The following CNTNAP2 variants were observed in gnomAD, a reference collection of about 807,000 sequenced individuals.
CNTNAP2 encodes the protein contactin associated protein 2.
CNTNAP2 carries 98 observed loss-of-function variants against 155.2 expected under a neutral mutation model. The ratio of observed to expected loss-of-function variants is 0.63; its 90% CI spans 0.54 to 0.75. The LOEUF (loss-of-function observed/expected upper bound fraction) is 0.75. Among genes scored for constraint, CNTNAP2 ranks in the 30% least tolerant of loss-of-function variants. The pLI is 0.00. For synonymous variants in CNTNAP2, 651 were observed against 631.2 expected, an observed-to-expected ratio of 1.03 and a Z score of -0.47; for missense variants, 1,727 against 1,688.1, an observed-to-expected ratio of 1.02 and a Z score of -0.40.
At chr7:146,229,119 G>A (rs895226273) in intron 1 of CNTNAP2, among the ~76,000 whole-genome samples, 4 of 152,072 alleles carry the variant, frequency 2.6e-5, no homozygotes, top group Non-Finnish European at 4.4e-5. Flanking sequence ...AAAAAGAGTA[G>A]CAAATTGGAA....
chr7:148,355,857 C>T (rs1409176935), intron 21 of CNTNAP2, among the ~76,000 whole-genome samples: 1 of 152,222 alleles, frequency 6.6e-6, no homozygotes, highest in East Asian at 1.9e-4. Flanking sequence ...TTATTCCCAT[C>T]ATCAGTCAAC....
chr7:147,627,570 TA>T (rs1251730538), intron 12 of CNTNAP2, among the ~76,000 whole-genome samples: 6 of 151,200 alleles, frequency 4.0e-5, no homozygotes, highest in African/African-American at 1.5e-4. Context: ...TGGGCACCTG[TA>T]ATCCCAGGTA....
rs77384509 is a variant in CNTNAP2 at position 148,324,540 on chromosome 7, G to A, written c.3475+57414G>A. ...AGGTCGGGCGCAGCGGCTCATGCCT[G>A]TAATCTCAACACTTTAGGAGGCCAA... On this transcript the variant is annotated intron_variant, in intron 21 of 23. Coordinates refer to ENST00000361727, the MANE Select transcript of CNTNAP2 (RefSeq NM_014141.6). Among the ~76,000 whole-genome samples the A allele has an allele frequency of 2.0e-5, 3 of 152,278 alleles. No homozygotes were observed. The East Asian group carries it at 5.8e-4, about 29-fold the overall frequency.
At chr7:147,472,204 C>CTTTTTTTTTTTTTTTTTTT (rs542047274) in intron 10 of CNTNAP2, among the ~76,000 whole-genome samples, 10 of 81,068 alleles carry the variant, frequency 1.2e-4, no homozygotes, top group African/African-American at 4.6e-4. Flanking sequence ...TCTTTTTTTC[C>CTTTTTTTTTTTTTTTTTTT]TTTTTTTTTT....
intron 1 of CNTNAP2, among the ~76,000 whole-genome samples, chr7:146,117,695 T>C (rs1337810154): frequency 6.6e-6 from 1 of 151,978 alleles, no homozygotes; most frequent in Non-Finnish European, 1.5e-5. Flanking sequence ...TAATCAACTG[T>C]GTGTGTGTGT....
At chr7:147,650,282 G>C (rs1795430240) in intron 13 of CNTNAP2, among the ~76,000 whole-genome samples, 1 of 152,140 alleles carries the variant, frequency 6.6e-6, no homozygotes, top group Admixed American at 6.5e-5. Flanking sequence ...ATATTGCTCA[G>C]TTATTCATTC....
At chr7:147,111,022 G>A (rs2191271) in intron 5 of CNTNAP2, among the ~76,000 whole-genome samples, 60,817 of 151,834 alleles carry the variant, frequency 0.4, 12,323 homozygotes, top group Admixed American at 0.45. Flanking sequence ...TTTCTCTGCA[G>A]CATCACCAGC....
intron 9 of CNTNAP2, among the ~76,000 whole-genome samples, chr7:147,313,978 C>T (rs1439481003): frequency 2.0e-5 from 3 of 152,024 alleles, no homozygotes; most frequent in Non-Finnish European, 2.9e-5. Context: ...AGGTCCTTCA[C>T]GTCCCTTGTA....
intron 2 of CNTNAP2, among the ~76,000 whole-genome samples, chr7:146,781,241 CA>C (rs769078111): frequency 1.3e-4 from 15 of 116,530 alleles, no homozygotes; most frequent in South Asian, 6.2e-4. Flanking sequence ...AAAAAAAAAA[CA>C]AAAAAAAAAC....
chr7:146,818,480 G>A (rs1307389560), intron 2 of CNTNAP2, among the ~76,000 whole-genome samples: 1 of 152,088 alleles, frequency 6.6e-6, no homozygotes, highest in Non-Finnish European at 1.5e-5. Context: ...AATAACTTAA[G>A]ATTGGTATTG....
intron 4 of CNTNAP2, among the ~76,000 whole-genome samples, chr7:147,060,143 T>C (rs1799636021): frequency 6.6e-6 from 1 of 152,012 alleles, no homozygotes; most frequent in Admixed American, 6.6e-5. Context: ...TTTGCTTGTT[T>C]AGTGGTGCCA....
At chr7:148,297,982 T>C (rs990381705) in intron 21 of CNTNAP2, among the ~76,000 whole-genome samples, 2 of 151,948 alleles carry the variant, frequency 1.3e-5, no homozygotes, top group Non-Finnish European at 2.9e-5. Flanking sequence ...CAATTAAGGA[T>C]TGAAGGAGGA....
At chr7:147,621,915 C>A (rs1313326888) in intron 12 of CNTNAP2, among the ~76,000 whole-genome samples, 2 of 151,642 alleles carry the variant, frequency 1.3e-5, no homozygotes, top group Non-Finnish European at 2.9e-5. Context: ...GACACATAGA[C>A]TGAAAAATAA....
rs559616146 is a variant in CNTNAP2, at chr7:147,325,163, G to C, written c.1498+24873G>C. Reference sequence around the variant, plus strand: ...AAAATACAAAAAATTAGCTGGGCATGGTGGCACACGCCTGCAATCCCAGCT... The same window carrying C: ...AAAATACAAAAAATTAGCTGGGCATCGTGGCACACGCCTGCAATCCCAGCT... On this transcript the variant is annotated intron_variant, in intron 9 of 23. Transcript: ENST00000361727. Among the ~76,000 whole-genome samples the C allele has an allele frequency of 2.0e-5, 3 of 152,156 alleles. No homozygotes were observed. In the South Asian group the frequency reaches 6.2e-4, roughly 32 times the overall value.
At chr7:147,835,191 TC>T (rs1368635600) in intron 13 of CNTNAP2, among the ~76,000 whole-genome samples, 1 of 151,588 alleles carries the variant, frequency 6.6e-6, no homozygotes, top group Non-Finnish European at 1.5e-5. Context: ...ACCACCACCA[TC>T]CCCACTGACT....
intron 3 of CNTNAP2, among the ~76,000 whole-genome samples, chr7:146,940,152 C>T (rs565592271): frequency 2.0e-5 from 3 of 152,018 alleles, no homozygotes; most frequent in East Asian, 1.9e-4. Flanking sequence ...ATTGATGTCA[C>T]GAAAAACATT....
rs1283985181 is a variant in CNTNAP2 at position 147,570,507 on chromosome 7, G to T, written c.1897+8250G>T. Among the ~76,000 whole-genome samples the T allele has an allele frequency of 2.6e-5, 4 of 152,252 alleles. No individual in the cohort carries two copies. In the East Asian group the frequency reaches 5.8e-4, roughly 22 times the overall value. ...AGATAAGCAAAAATAAAAATTGCTT[G>T]TCAACCAGAAATGACAATTACTAAC... On this transcript the variant is annotated intron_variant, in intron 12 of 23. Transcript: ENST00000361727.
intron 3 of CNTNAP2, among the ~76,000 whole-genome samples, chr7:147,036,216 C>T (rs963501269): frequency 2.6e-5 from 4 of 152,144 alleles, no homozygotes; most frequent in African/African-American, 7.2e-5. Context: ...GACAGAGGAG[C>T]ATGTGACCTG....
In CNTNAP2 at chr7:147,094,123, A is replaced by G. The variant is rs561277569; in HGVS notation, c.551-14024A>G. On this transcript the variant is annotated intron_variant, in intron 4 of 23. Transcript: ENST00000361727. ...AGCCGCAACCCCATGGCACCTCTATACATTGCCCTAGAAGGGACTCTGTGG... is the reference window on the plus strand; with the variant it reads ...AGCCGCAACCCCATGGCACCTCTATGCATTGCCCTAGAAGGGACTCTGTGG... Among the ~76,000 whole-genome samples, 8 of 152,204 alleles carry G rather than the reference A, an allele frequency of 5.3e-5. No individual in the cohort carries two copies. The South Asian group carries it at 1.7e-3, about 32-fold the overall frequency.
Sources: gnomAD v4.1 joint callset for allele counts (sites outside exome capture counted in the v4.1 genomes callset) on GRCh38, gnomAD v4.1.1 for gene constraint, MANE v1.5 for transcripts, NCBI Gene and HGNC (gene_info 2026-07-23, HGNC 2026-07-21) for gene names.